HYKK: variants seen among roughly 807,000 people sequenced by gnomAD.
HYKK encodes hydroxylysine kinase.
In HYKK, 19 loss-of-function variants were observed where a neutral mutation model predicts 29.7. That is an observed-to-expected ratio of 0.64 (90% CI 0.45 to 0.94). The LOEUF is 0.94. HYKK is among the 40% of genes least tolerant of loss of function. The probability of loss-of-function intolerance (pLI) is 0.00; values close to 1 mark genes in which losing one functional copy is unlikely to be tolerated. For synonymous variants in HYKK, 152 were observed against 158.1 expected (o/e 0.96, Z 0.29); for missense variants, 390 against 443.4 (o/e 0.88, Z 1.08).
intron 4 of HYKK, among the ~76,000 whole-genome samples, chr15:78,529,221 T>A (rs1001810238): frequency 6.6e-6 from 1 of 152,256 alleles, no homozygotes; most frequent in East Asian, 1.9e-4. Context: ...TGTAAGATTC[T>A]GCGTGTCATT....
At chr15:78,510,070 C>CT (rs556567558) in intron 1 of HYKK, among the ~76,000 whole-genome samples, 6 of 151,506 alleles carry the variant, frequency 4.0e-5, no homozygotes, top group Admixed American at 2.0e-4. Context: ...TTTCTCTTCT[C>CT]TTTTTTTTTC....
At chr15:78,519,990 A>G (rs777789780) in intron 3 of HYKK, among the ~76,000 whole-genome samples, 3 of 152,154 alleles carry the variant, frequency 2.0e-5, no homozygotes, top group African/African-American at 7.2e-5. Flanking sequence ...AAAGCAATAC[A>G]GTTTTAGAGG....
intron 3 of HYKK, among the ~76,000 whole-genome samples, chr15:78,526,197 G>A (rs978063311): frequency 6.6e-6 from 1 of 152,188 alleles, no homozygotes; most frequent in East Asian, 1.9e-4. Flanking sequence ...CTTTAATTCA[G>A]CAAATATTGC....
chr15:78,532,236 T>G (rs888185093), intron 4 of HYKK, among the ~76,000 whole-genome samples: 3 of 152,232 alleles, frequency 2.0e-5, no homozygotes, highest in Non-Finnish European at 4.4e-5. Flanking sequence ...CAACTAACCA[T>G]GGGAGTTTGA....
At chr15:78,533,001 GTAC>G (rs552366636) in intron 4 of HYKK, among the ~76,000 whole-genome samples, 226 of 152,266 alleles carry the variant, frequency 1.5e-3, no homozygotes, top group African/African-American at 5.4e-3. Context: ...TTCTGGCCTT[GTAC>G]TGATGAGAAG....
chr15:78,530,386 C>T (rs2052300048), intron 4 of HYKK, among the ~76,000 whole-genome samples: 1 of 151,990 alleles, frequency 6.6e-6, no homozygotes, highest in African/African-American at 2.4e-5. Context: ...TATTATTATT[C>T]ATGGGTATTT....
intron 3 of HYKK, among the ~76,000 whole-genome samples, chr15:78,520,455 G>T (rs559021142): frequency 2.6e-5 from 4 of 152,190 alleles, no homozygotes; most frequent in Admixed American, 2.6e-4. Context: ...CGAGCATGCT[G>T]CCTTCAAGCA....
At chr15:78,527,682 C>G in intron 4 of HYKK, 119 bp downstream of exon 4, 1 of 1,439,510 alleles carries the variant, frequency 6.9e-7, no homozygotes, top group East Asian at 2.5e-5. Context: ...GCCATATTTG[C>G]TCCTATTGCT....
At chr15:78,512,880 A>C (rs1468792001) in intron 1 of HYKK, among the ~76,000 whole-genome samples, 2 of 152,196 alleles carry the variant, frequency 1.3e-5, no homozygotes, top group African/African-American at 4.8e-5. Context: ...TTGTCCTATA[A>C]GAATTTGTAT....
chr15:78,511,701 G>A (rs141733808), intron 1 of HYKK, among the ~76,000 whole-genome samples: 2 of 149,450 alleles, frequency 1.3e-5, no homozygotes, highest in Non-Finnish European at 3.0e-5. Flanking sequence ...CAGCCTGGGC[G>A]ACAGAGCAAG....
intron 4 of HYKK, chr15:78,527,941 A>G (rs1488328907): frequency 5.7e-6 from 1 of 174,184 alleles, no homozygotes; most frequent in African/African-American, 2.4e-5. Flanking sequence ...GAATATTTGT[A>G]GTTTTAATTT....
downstream of HYKK, chr15:78,536,698 T>C (rs1034924179): frequency 6.6e-6 from 1 of 152,256 alleles, no homozygotes; most frequent in Non-Finnish European, 1.5e-5. Context: ...GTGGTTTATA[T>C]AAACTCTTTG....
Position 78,514,754 on chromosome 15 carries a change from C to A in HYKK, c.338-214C>A, listed in dbSNP as rs1365341049. On this transcript the variant is annotated intron_variant, in intron 2 of 4. Coordinates refer to ENST00000388988, the MANE Select transcript of HYKK (RefSeq NM_001013619.4). ...TGTATATTCTACCTTCTTGCTTCATCCACTCAACTCTGCTTCATAGAATCC... is the reference window on the plus strand; with the variant it reads ...TGTATATTCTACCTTCTTGCTTCATACACTCAACTCTGCTTCATAGAATCC... Among the ~76,000 whole-genome samples, 4 of 152,240 alleles carry A rather than the reference C, an allele frequency of 2.6e-5. No individual in the cohort carries two copies. In the East Asian group the frequency reaches 7.7e-4, roughly 29 times the overall value.
rs61741253 is a variant in HYKK at position 78,533,483 on chromosome 15, G to T, written c.935G>T (p.Arg312Leu). ...KGALFLLVCS[R>L]FCQSLVMAAY... is the part of the protein sequence containing the mutation. Reference sequence around the variant, plus strand: ...GCTTTGTTTTTACTTGTATGCAGTCGTTTTTGTCAGTCACTTGTCATGGCT... The same window carrying T: ...GCTTTGTTTTTACTTGTATGCAGTCTTTTTTGTCAGTCACTTGTCATGGCT... The change falls in exon 5 of 5, where the codon CGT becomes CTT. Residue 312 changes from arginine to leucine, a missense_variant. By Grantham distance (102) the Arg-to-Leu change is moderately radical. Transcript: ENST00000388988. The T allele has an allele frequency of 2.5e-3, 3,982 of 1,614,150 alleles. 19 individuals carry two copies. Among genetic ancestry groups the T allele is most frequent in the South Asian group, 9.4e-3 (857 of 91,080 alleles).
intron 3 of HYKK, among the ~76,000 whole-genome samples, chr15:78,519,724 G>A (rs1474515155): frequency 1.3e-5 from 2 of 152,150 alleles, no homozygotes; most frequent in Non-Finnish European, 2.9e-5. Context: ...CCGCACCACT[G>A]CACTCCAGCC....
chr15:78,537,257 A>T (rs186122492), downstream of HYKK: 704 of 622,914 alleles, frequency 1.1e-3, 5 homozygotes, highest in African/African-American at 0.012. Context: ...GGAAGACCCT[A>T]ATATAATACA....
At position 78,534,604 on chromosome 15, in the gene HYKK, T is replaced by G. The variant is rs1449482200; in HGVS notation, c.*934T>G. ...TTATAGTGCCTTTCCTACAGAGAGG[T>G]CTTTAAAAATATTTGAAAATAAATG... On this transcript the variant is annotated 3_prime_UTR_variant, in exon 5 of 5. Transcript: ENST00000388988. 6.6e-6 allele frequency: 1 copy of G among 152,048 alleles called. No homozygotes were observed. The highest frequency in any genetic ancestry group is 2.4e-5 in the African/African-American group (1 of 41,376). The allele number at this position is 152,048 out of a possible 1,614,324, so 9.4% of individuals were successfully genotyped here.
Position 78,513,163 on chromosome 15 carries a change from A to G in HYKK, c.75A>G (p.Leu25=). 6.2e-7 allele frequency: 1 copy of G among 1,614,056 alleles called. No individual in the cohort carries two copies. Among genetic ancestry groups the G allele is most frequent in the Middle Eastern group, 1.7e-4 (1 of 6,060 alleles). The change falls in exon 2 of 5, where the codon TTA becomes TTG. Residue 25 remains leucine (L), a synonymous_variant. Coordinates refer to ENST00000388988, the MANE Select transcript of HYKK (RefSeq NM_001013619.4). ...TCAGTGAGGAACAAGCCTCTGCGTT[A>G]GTGGAGTCAGTGTTTGGGTTGAAAG... ...PTFSEEQASA[L]VESVFGLKVS...
intron 3 of HYKK, among the ~76,000 whole-genome samples, chr15:78,521,366 G>A (rs899907195): frequency 6.6e-6 from 1 of 152,086 alleles, no homozygotes; most frequent in Non-Finnish European, 1.5e-5. Flanking sequence ...TGTGGTCAAA[G>A]CTTTGTACTA....
Sources: gnomAD v4.1 joint callset for allele counts (sites outside exome capture counted in the v4.1 genomes callset) on GRCh38, gnomAD v4.1.1 for gene constraint, MANE v1.5 for transcripts, NCBI Gene and HGNC (gene_info 2026-07-23, HGNC 2026-07-21) for gene names.